The following ACBD3 variants were observed in gnomAD, a reference collection of about 807,000 sequenced individuals.
ACBD3 encodes Golgi resident protein GCP60.
ACBD3 carries 30 observed loss-of-function variants against 66.9 expected under a neutral mutation model. The observed-to-expected ratio is 0.45, with a 90% CI of 0.34 to 0.61. The LOEUF is 0.61. Ranked by LOEUF, ACBD3 falls within the 20% of genes least tolerant of loss-of-function variation. The pLI is 0.02. For missense variants in ACBD3, 544 were observed against 664.5 expected (o/e 0.82, Z 1.99); for synonymous variants, 278 against 259.8 (o/e 1.07, Z -0.68).
At chr1:226,181,270 G>A (rs1354852264) in intron 1 of ACBD3, among the ~76,000 whole-genome samples, 2 of 152,160 alleles carry the variant, frequency 1.3e-5, no homozygotes, top group East Asian at 3.8e-4. Flanking sequence ...TGAAGTCCAG[G>A]AGGCACACTA....
chr1:226,166,408 G>A (rs915526652), intron 1 of ACBD3, among the ~76,000 whole-genome samples: 1 of 151,640 alleles, frequency 6.6e-6, no homozygotes, highest in Non-Finnish European at 1.5e-5. Context: ...AAACTGCTGG[G>A]ATTTGAGCCA....
chr1:226,154,085 C>T (rs1382538442), intron 6 of ACBD3, among the ~76,000 whole-genome samples: 1 of 152,188 alleles, frequency 6.6e-6, no homozygotes, highest in African/African-American at 2.4e-5. Context: ...ATCTTGACTG[C>T]AATCTCATGA....
chr1:226,167,976 G>C (rs191037279), intron 1 of ACBD3, among the ~76,000 whole-genome samples: 1 of 152,074 alleles, frequency 6.6e-6, no homozygotes, highest in Non-Finnish European at 1.5e-5. Flanking sequence ...AATGCTGAAA[G>C]TATAAACTGT....
intron 1 of ACBD3, among the ~76,000 whole-genome samples, chr1:226,182,674 C>G (rs1656198097): frequency 6.6e-6 from 1 of 152,144 alleles, no homozygotes; most frequent in African/African-American, 2.4e-5. Flanking sequence ...GTTACCTTCC[C>G]AGCTCTCTCC....
rs145728214 is a variant in ACBD3 at position 226,155,477 on chromosome 1, T to C, written c.904-644A>G. Reference sequence around the variant, plus strand: ...AAAATAAAACTATTAAAGGCAAAAATTGAACACAGTAATGTGCTCTTGAAA... The same window carrying C: ...AAAATAAAACTATTAAAGGCAAAAACTGAACACAGTAATGTGCTCTTGAAA... On this transcript the variant is annotated intron_variant, in intron 5 of 7. Transcript: ENST00000366812. Among the ~76,000 whole-genome samples, 296 of 149,424 alleles carry C rather than the reference T, an allele frequency of 2.0e-3. 1 individual carries two copies. The highest frequency in any genetic ancestry group is 3.5e-3 in the Middle Eastern group (1 of 284).
intron 1 of ACBD3, among the ~76,000 whole-genome samples, chr1:226,184,045 G>A (rs1558133269): frequency 6.6e-6 from 1 of 151,518 alleles, no homozygotes; most frequent in Admixed American, 6.6e-5. Flanking sequence ...CAAAAAATTA[G>A]CCGGGCGTGG....
At chr1:226,156,556 C>A (rs747054108) in intron 5 of ACBD3, among the ~76,000 whole-genome samples, 36 of 152,030 alleles carry the variant, frequency 2.4e-4, no homozygotes, top group Non-Finnish European at 1.0e-4. Flanking sequence ...CCTTTATGAT[C>A]CCATGGGGTA....
At chr1:226,150,330 C>T (rs1056391227) in intron 7 of ACBD3, among the ~76,000 whole-genome samples, 1 of 151,950 alleles carries the variant, frequency 6.6e-6, no homozygotes, top group African/African-American at 2.4e-5. Context: ...TACTTGGCCT[C>T]CCCAAAAGCT....
At chr1:226,170,495 T>C (rs367655596) in intron 1 of ACBD3, among the ~76,000 whole-genome samples, 1 of 151,896 alleles carries the variant, frequency 6.6e-6, no homozygotes, top group Admixed American at 6.6e-5. Flanking sequence ...AAGAATAAAC[T>C]CAATTAAGTA....
In ACBD3 at chr1:226,156,517, C is replaced by T. The variant is rs184890132; in HGVS notation, c.904-1684G>A. On this transcript the variant is annotated intron_variant, in intron 5 of 7. Transcript: ENST00000366812. ...CACTGCAGGAAAAAAAATACACACA[C>T]GCACACATACACACACACACGGAAA... Among the ~76,000 whole-genome samples, 25 of 152,156 alleles carry T rather than the reference C, an allele frequency of 1.6e-4. No homozygotes were observed. In the East Asian group the frequency reaches 4.1e-3, roughly 25 times the overall value.
chr1:226,155,558 A>T (rs1004742970), intron 5 of ACBD3, among the ~76,000 whole-genome samples: 14 of 152,226 alleles, frequency 9.2e-5, no homozygotes, highest in Non-Finnish European at 1.3e-4. Flanking sequence ...TGAATTAGAA[A>T]AATTAAACTT....
At position 226,148,154 on chromosome 1, in the gene ACBD3, G is replaced by A. The variant is rs564350650; in HGVS notation, c.1376-1333C>T. ...ATGTGGCATCCTGGAAAGGATCTTG[G>A]AACATTAGGTAAAAACTAAAAACAT... On this transcript the variant is annotated intron_variant, in intron 7 of 7. Coordinates refer to ENST00000366812, the MANE Select transcript of ACBD3 (RefSeq NM_022735.4). The A allele has an allele frequency of 2.6e-5, 4 of 152,272 alleles. No individual in the cohort carries two copies. The South Asian group carries it at 8.3e-4, about 32-fold the overall frequency. The allele number at this position is 152,272 out of a possible 1,614,324, so 9.4% of individuals were successfully genotyped here. A position where few individuals can be genotyped will look rare whatever the true frequency, so the allele number is the denominator to read the frequency against.
chr1:226,159,350 A>T lies in ACBD3; in HGVS notation c.737T>A (p.Ile246Lys), dbSNP rs2102779258. The T allele has an allele frequency of 1.2e-6, 2 of 1,614,144 alleles. No homozygotes were observed. The highest frequency in any genetic ancestry group is 1.7e-6 in the Non-Finnish European group (2 of 1,179,992). The change falls in exon 5 of 8, where the codon ATA becomes AAA. Residue 246 changes from isoleucine to lysine, a missense_variant. Around this residue, in one of 3 missense-constraint regions of ACBD3, gnomAD observed 383 missense variants for 462.4 expected, o/e 0.83. Coordinates refer to ENST00000366812, the MANE Select transcript of ACBD3 (RefSeq NM_022735.4). ...RLRLEQQKQQ[I>K]MAALNSQTAV... ...AGTCTGGGAGTTTAAAGCTGCCATT[A>T]TCTGCTGCCTAAAAACATTAAAAAT...
At chr1:226,168,146 CAATAA>C (rs1171018658) in intron 1 of ACBD3, among the ~76,000 whole-genome samples, 1 of 152,120 alleles carries the variant, frequency 6.6e-6, no homozygotes, top group African/African-American at 2.4e-5. Context: ...AAGAGATTAA[CAATAA>C]AATACTGTAT....
intron 7 of ACBD3, among the ~76,000 whole-genome samples, chr1:226,147,754 A>G (rs1219386115): frequency 6.6e-6 from 1 of 152,168 alleles, no homozygotes. Context: ...GCCCCGGTTA[A>G]GAGTTTTTTG....
At position 226,152,598 on chromosome 1, in the gene ACBD3, G is replaced by A. The variant is rs1659598651; in HGVS notation, c.1112C>T (p.Ala371Val). ...CTGAGGTCGTGTCCACATGGATGGA[G>A]CTGCTATTACTGGAAGAGATTCTAA... ...GPKESLPVIA[A>V]PSMWTRPQIK... Residue 371 changes from alanine to valine, a missense_variant, in exon 7 of 8, where the codon GCT becomes GTT. By Grantham distance (64) the Ala-to-Val change is moderately conservative. This residue lies in a region of ACBD3 where 383 missense variants were observed against 462.4 expected (regional missense o/e 0.83). Coordinates refer to ENST00000366812, the MANE Select transcript of ACBD3 (RefSeq NM_022735.4). The A allele has an allele frequency of 1.4e-5, 23 of 1,614,040 alleles. No homozygotes were observed. The highest frequency in any genetic ancestry group is 1.9e-5 in the Non-Finnish European group (23 of 1,179,974).
chr1:226,181,213 T>C (rs879909196), intron 1 of ACBD3, among the ~76,000 whole-genome samples: 5 of 152,188 alleles, frequency 3.3e-5, no homozygotes, highest in Non-Finnish European at 4.4e-5. Flanking sequence ...AGAACTCTAA[T>C]AGATGTTCCA....
intron 1 of ACBD3, among the ~76,000 whole-genome samples, chr1:226,173,031 T>G (rs1655882964): frequency 6.6e-6 from 1 of 151,996 alleles, no homozygotes; most frequent in Admixed American, 6.6e-5. Context: ...TTTGGAAAGC[T>G]AGGGCAGGTG....
At chr1:226,172,708 G>A (rs1049576163) in intron 1 of ACBD3, among the ~76,000 whole-genome samples, 1 of 152,134 alleles carries the variant, frequency 6.6e-6, no homozygotes, top group African/African-American at 2.4e-5. Flanking sequence ...ACTTTGGGAG[G>A]CTGAAGGGGG....
Sources: allele counts gnomAD v4.1 joint callset (sites outside exome capture counted in the v4.1 genomes callset), GRCh38; gene constraint gnomAD v4.1.1; regional missense constraint gnomAD v4.1.1; transcripts MANE v1.5; gene names NCBI Gene and HGNC (gene_info 2026-07-23, HGNC 2026-07-21).